The following TSTD2 variants were observed in gnomAD, a reference collection of about 807,000 sequenced individuals.
The protein encoded by TSTD2 is thiosulfate sulfurtransferase/rhodanese-like domain-containing protein 2.
Under a neutral mutation model 47.9 loss-of-function variants are expected in TSTD2, and 37 were observed. The ratio of observed to expected loss-of-function variants is 0.77; its 90% CI spans 0.59 to 1.02. TSTD2 has a LOEUF of 1.02. Among genes scored for constraint, TSTD2 ranks in the 50% least tolerant of loss-of-function variants. The pLI is 0.00. For missense variants in TSTD2, 586 were observed against 616.0 expected (o/e 0.95, Z 0.52); for synonymous variants, 201 against 215.9 (o/e 0.93, Z 0.61).
Position 97,605,634 on chromosome 9 carries a change from A to C in TSTD2, c.962T>G (p.Phe321Cys), listed in dbSNP as rs747641497. 18 of 1,614,136 alleles carry C rather than the reference A, an allele frequency of 1.1e-5. No homozygotes were observed. The highest frequency in any genetic ancestry group is 1.5e-5 in the Non-Finnish European group (18 of 1,180,058). The stretch of plus-strand genomic sequence containing the variant: ...GATGTCTGGGGCTAAGCAGCCTTGG[A>C]ATCGTCCCTGTAACATAGGAGCAAC... ...RNFYESKIGRFQGCLAPDIRK... is the reference protein window; with the variant it reads ...RNFYESKIGRCQGCLAPDIRK... Residue 321 changes from phenylalanine to cysteine, a missense_variant, in exon 8 of 10, where the codon TTC (phenylalanine) becomes TGC (cysteine). Coordinates refer to ENST00000341170, the MANE Select transcript of TSTD2 (RefSeq NM_139246.5).
At chr9:97,616,385 G>A (rs1282144122) in intron 4 of TSTD2, among the ~76,000 whole-genome samples, 1 of 152,176 alleles carries the variant, frequency 6.6e-6, no homozygotes, top group Admixed American at 6.5e-5. Context: ...TGAGGAGGGA[G>A]TGATGTGATT....
rs973854417 is a variant in TSTD2, at chr9:97,630,352, T to C, written c.-50-2740A>G. Among the ~76,000 whole-genome samples the C allele has an allele frequency of 1.2e-4, 19 of 152,324 alleles. 1 individual carries two copies. The highest frequency in any genetic ancestry group is 1.1e-3 in the Admixed American group (17 of 15,292). On this transcript the variant is annotated intron_variant, in intron 1 of 9. Coordinates refer to ENST00000341170, the MANE Select transcript of TSTD2 (RefSeq NM_139246.5). Reference sequence around the variant, plus strand: ...TTTATGTACATACTCTGAATTATTATTATTTGTGGCACCTCTGCTATGTGC... The same window carrying C: ...TTTATGTACATACTCTGAATTATTACTATTTGTGGCACCTCTGCTATGTGC...
chr9:97,623,767 G>C (rs922210360), intron 3 of TSTD2, among the ~76,000 whole-genome samples: 2 of 152,026 alleles, frequency 1.3e-5, no homozygotes, highest in African/African-American at 4.8e-5. Flanking sequence ...TGAGGCAGGA[G>C]AATCACTTGA....
chr9:97,624,136 A>T (rs185001451), intron 3 of TSTD2, among the ~76,000 whole-genome samples: 1 of 152,274 alleles, frequency 6.6e-6, no homozygotes, highest in East Asian at 1.9e-4. Context: ...GCCTCCTGGT[A>T]TTTAGACCCT....
chr9:97,618,376 G>A (rs780465890), intron 3 of TSTD2, among the ~76,000 whole-genome samples: 10 of 152,096 alleles, frequency 6.6e-5, no homozygotes, highest in Non-Finnish European at 1.0e-4. Context: ...GGACCTAAAC[G>A]CCAGTCTTCT....
Position 97,602,332 on chromosome 9 carries a change from T to C in TSTD2, c.*137A>G. On this transcript the variant is annotated 3_prime_UTR_variant, in exon 10 of 10. Transcript: ENST00000341170. Reference sequence around the variant, plus strand: ...ACTCCTCCCCTCCCGCTGTGAAGTGTAGACGGCTGCCACGGTGGCAGCGGC... The same window carrying C: ...ACTCCTCCCCTCCCGCTGTGAAGTGCAGACGGCTGCCACGGTGGCAGCGGC... 9 of 1,035,340 alleles carry C rather than the reference T, an allele frequency of 8.7e-6. No individual in the cohort carries two copies. The highest frequency in any genetic ancestry group is 1.1e-5 in the Non-Finnish European group (8 of 732,356). 64.1% of individuals were successfully genotyped at this position (1,035,340 alleles called of 1,614,324 possible).
Position 97,602,468 on chromosome 9 carries a change from C to T in TSTD2, c.*1G>A. ...GCCTGGGAAAATGCCAAAGGTGCTG[C>T]TCACATAAGCACTGGCCCATCCTCA... On this transcript the variant is annotated 3_prime_UTR_variant, in exon 10 of 10. Coordinates refer to ENST00000341170, the MANE Select transcript of TSTD2 (RefSeq NM_139246.5). 1 of 1,591,776 alleles carries T rather than the reference C, an allele frequency of 6.3e-7. No individual in the cohort carries two copies. Among genetic ancestry groups the T allele is most frequent in the South Asian group, 1.1e-5 (1 of 88,442 alleles).
intron 4 of TSTD2, among the ~76,000 whole-genome samples, chr9:97,616,618 T>A (rs1229376426): frequency 6.6e-6 from 1 of 152,072 alleles, no homozygotes; most frequent in Non-Finnish European, 1.5e-5. Context: ...ATGAGGTAAA[T>A]GAAGTCATTA....
At chr9:97,609,547 TAA>T (rs1417978125) in intron 6 of TSTD2, among the ~76,000 whole-genome samples, 1 of 152,212 alleles carries the variant, frequency 6.6e-6, no homozygotes, top group Non-Finnish European at 1.5e-5. Context: ...AAATGAAGCT[TAA>T]AAAGTATGAG....
Position 97,617,894 on chromosome 9 carries a change from C to T in TSTD2, c.483-17G>A, listed in dbSNP as rs763319640. ...CCCTGGCCACTATAAAATGAAAATC[C>T]AAGGCAAAGAGCATTTGAGTCGCTG... On this transcript the variant is annotated splice_polypyrimidine_tract_variant and intron_variant, in intron 3 of 9. Coordinates refer to ENST00000341170, the MANE Select transcript of TSTD2 (RefSeq NM_139246.5). The T allele has an allele frequency of 6.2e-7, 1 of 1,604,616 alleles. No individual in the cohort carries two copies. The highest frequency in any genetic ancestry group is 1.7e-5 in the Admixed American group (1 of 57,334).
chr9:97,605,615 T>G lies in TSTD2; in HGVS notation c.981A>C (p.Pro327=), dbSNP rs1390805227. The stretch of plus-strand genomic sequence containing the variant: ...GGAAGTAACTGAATTTCCTGATGTC[T>G]GGGGCTAAGCAGCCTTGGAATCGTC... ...KIGRFQGCLA[P]DIRKFSYFPS... is the part of the protein sequence containing the mutation. Residue 327 remains proline, a synonymous_variant, in exon 8 of 10, where the codon CCA becomes CCC. Transcript: ENST00000341170. The G allele has an allele frequency of 6.2e-7, 1 of 1,614,240 alleles. No individual in the cohort carries two copies.
In TSTD2 at chr9:97,600,313, A is replaced by ATGAT. The variant is rs878986152; in HGVS notation, c.*2152_*2155dup. The stretch of plus-strand genomic sequence containing the variant: ...GATTCCTTTTGCTGGATATGCAGAA[A>ATGAT]TGATAGGAAAAAAACCAATGGTGAA... On this transcript the variant is annotated 3_prime_UTR_variant, in exon 10 of 10. Coordinates refer to ENST00000341170, the MANE Select transcript of TSTD2 (RefSeq NM_139246.5). 5.0e-5 allele frequency: 49 copies of ATGAT among 986,192 alleles called. No individual in the cohort carries two copies. Among genetic ancestry groups the ATGAT allele is most frequent in the Middle Eastern group, 5.2e-4 (1 of 1,914 alleles). 61.1% of individuals were successfully genotyped at this position (986,192 alleles called of 1,614,324 possible).
intron 4 of TSTD2, among the ~76,000 whole-genome samples, chr9:97,613,236 G>A (rs1158710673): frequency 1.3e-5 from 2 of 152,186 alleles, no homozygotes; most frequent in Non-Finnish European, 2.9e-5. Flanking sequence ...GTACATCTGA[G>A]GGCTGAGGGT....
intron 3 of TSTD2, among the ~76,000 whole-genome samples, chr9:97,624,521 A>T (rs1029747262): frequency 6.6e-6 from 1 of 152,206 alleles, no homozygotes; most frequent in African/African-American, 2.4e-5. Context: ...ACATAGCAAT[A>T]ATACAGAGAG....
intron 3 of TSTD2, among the ~76,000 whole-genome samples, chr9:97,624,473 T>G (rs899229025): frequency 1.3e-5 from 2 of 152,194 alleles, no homozygotes; most frequent in African/African-American, 2.4e-5. Flanking sequence ...GACTCTGAGC[T>G]AGTAACACCA....
intron 2 of TSTD2, 27 bp from the exon 3 acceptor site, chr9:97,626,024 C>T (rs767468295): frequency 2.5e-6 from 4 of 1,580,834 alleles, no homozygotes; most frequent in Non-Finnish European, 3.4e-6. Context: ...AATGCTAACA[C>T]TGTTAAATAA....
intron 2 of TSTD2, among the ~76,000 whole-genome samples, chr9:97,626,206 G>A (rs1826717750): frequency 6.7e-6 from 1 of 148,688 alleles, no homozygotes; most frequent in Admixed American, 6.6e-5. Context: ...GCTTTATATT[G>A]AGGAGGTTAA....
intron 6 of TSTD2, among the ~76,000 whole-genome samples, chr9:97,607,014 A>C (rs1324355407): frequency 6.6e-6 from 1 of 152,114 alleles, no homozygotes; most frequent in East Asian, 1.9e-4. Context: ...AAAATTTAAA[A>C]AATTAGCTGG....
intron 4 of TSTD2, among the ~76,000 whole-genome samples, chr9:97,614,265 G>A (rs10983030): frequency 0.68 from 103,996 of 152,130 alleles, 36,063 homozygotes; most frequent in African/African-American, 0.78. Flanking sequence ...TGTGTAATAT[G>A]ATCAGAGAAT....
Sources: gnomAD v4.1 joint callset for allele counts (sites outside exome capture counted in the v4.1 genomes callset) on GRCh38, gnomAD v4.1.1 for gene constraint, MANE v1.5 for transcripts, NCBI Gene and HGNC (gene_info 2026-07-23, HGNC 2026-07-21) for gene names.